The following IMPA1 variants were observed in gnomAD, a reference collection of about 807,000 sequenced individuals.
IMPA1 encodes the protein D-galactose 1-phosphate phosphatase.
In IMPA1, 21 loss-of-function variants were observed where a neutral mutation model predicts 34.9. That is an observed-to-expected ratio of 0.60 (90% CI 0.43 to 0.87). The LOEUF is 0.87. IMPA1 is among the 40% of genes least tolerant of loss of function. The probability of loss-of-function intolerance (pLI) is 0.00; values close to 1 mark genes in which losing one functional copy is unlikely to be tolerated. For missense variants in IMPA1, 299 were observed against 336.4 expected (o/e 0.89, Z 0.87); for synonymous variants, 95 against 104.4 (o/e 0.91, Z 0.55).
At chr8:81,669,283 A>C (rs1030928577) in intron 7 of IMPA1, among the ~76,000 whole-genome samples, 1 of 152,126 alleles carries the variant, frequency 6.6e-6, no homozygotes, top group African/African-American at 2.4e-5. Flanking sequence ...GGGCCTCAGA[A>C]CTGTGGAGTC....
intron 1 of IMPA1, chr8:81,685,701 A>C: frequency 1.4e-6 from 1 of 728,114 alleles, no homozygotes; most frequent in Non-Finnish European, 1.8e-6. Flanking sequence ...TAATATATGA[A>C]TAGTTATATA....
intron 7 of IMPA1, among the ~76,000 whole-genome samples, chr8:81,664,102 C>G (rs1806753335): frequency 6.6e-6 from 1 of 152,082 alleles, no homozygotes; most frequent in Admixed American, 6.5e-5. Context: ...TTAAGGACCT[C>G]AAACCTTTAG....
rs563180340 is a variant in IMPA1 at position 81,681,763 on chromosome 8, A to G, written c.-24-179T>C. 2.6e-4 allele frequency among the ~76,000 whole-genome samples: 40 copies of G among 152,348 alleles called. 1 individual carries two copies. Among genetic ancestry groups the G allele is most frequent in the African/African-American group, 9.4e-4 (39 of 41,584 alleles). ...TTCTCACCTAAATTACCTAATTTCTATATCAAATTATTTTCATAAAGACTA... is the reference window on the plus strand; with the variant it reads ...TTCTCACCTAAATTACCTAATTTCTGTATCAAATTATTTTCATAAAGACTA... On this transcript the variant is annotated intron_variant, in intron 1 of 8. Transcript: ENST00000256108.
chr8:81,670,538 G>A (rs1239955707), intron 7 of IMPA1, among the ~76,000 whole-genome samples: 2 of 152,142 alleles, frequency 1.3e-5, no homozygotes, highest in African/African-American at 4.8e-5. Context: ...AGAGAAGCCA[G>A]AAATTAATTA....
intron 4 of IMPA1, 39 bp downstream of exon 4, chr8:81,679,087 T>C (rs376338475): frequency 6.5e-5 from 84 of 1,298,052 alleles, no homozygotes; most frequent in Non-Finnish European, 9.3e-5. Context: ...ATCCAGTTAA[T>C]ATGCAAAGAG....
At chr8:81,665,753 T>G (rs187303605) in intron 7 of IMPA1, among the ~76,000 whole-genome samples, 2 of 152,298 alleles carry the variant, frequency 1.3e-5, no homozygotes, top group East Asian at 3.9e-4. Context: ...CAAGAAAAAT[T>G]AGATTTGCAT....
chr8:81,668,101 G>A (rs1806886574), intron 7 of IMPA1, among the ~76,000 whole-genome samples: 1 of 152,160 alleles, frequency 6.6e-6, no homozygotes, highest in Non-Finnish European at 1.5e-5. Context: ...GGGATTACAG[G>A]CGTGAGCCAC....
intron 6 of IMPA1, among the ~76,000 whole-genome samples, chr8:81,672,243 G>C (rs189763513): frequency 6.6e-6 from 1 of 152,324 alleles, no homozygotes; most frequent in East Asian, 1.9e-4. Context: ...AAAATGTTTG[G>C]TGTGGTTTAT....
At chr8:81,672,637 T>A (rs1807018917) in intron 6 of IMPA1, among the ~76,000 whole-genome samples, 2 of 152,344 alleles carry the variant, frequency 1.3e-5, no homozygotes, top group African/African-American at 4.8e-5. Flanking sequence ...CTCTCCAAGG[T>A]AATCTAGAAG....
intron 7 of IMPA1, among the ~76,000 whole-genome samples, chr8:81,666,268 A>T (rs561572904): frequency 6.6e-6 from 1 of 152,330 alleles, no homozygotes; most frequent in South Asian, 2.1e-4. Flanking sequence ...CTGCTGGAAT[A>T]AAATGTAATC....
intron 2 of IMPA1, 43 bp from the exon 3 acceptor site, chr8:81,680,826 T>C: frequency 7.0e-7 from 1 of 1,435,196 alleles, no homozygotes; most frequent in East Asian, 2.3e-5. Context: ...GGCATAATTT[T>C]AAACAAAAAG....
chr8:81,685,799 T>G (rs1306019872), intron 1 of IMPA1: 5 of 1,543,194 alleles, frequency 3.2e-6, no homozygotes, highest in Non-Finnish European at 4.4e-6. Flanking sequence ...CTGAACTGTT[T>G]CCTGCTGTTT....
At chr8:81,664,774 G>A (rs915229053) in intron 7 of IMPA1, among the ~76,000 whole-genome samples, 2 of 151,688 alleles carry the variant, frequency 1.3e-5, no homozygotes, top group Middle Eastern at 3.2e-3. Flanking sequence ...GCTAAATGAC[G>A]AGTTAATGCG....
chr8:81,681,360 C>A lies in IMPA1; in HGVS notation c.63+138G>T, dbSNP rs1339576456. The A allele has an allele frequency of 4.9e-6, 3 of 616,778 alleles. No individual in the cohort carries two copies. In the Admixed American group the frequency reaches 7.9e-5, roughly 16 times the overall value. The allele number at this position is 616,778 out of a possible 1,614,324, so 38.2% of individuals were successfully genotyped here. On this transcript the variant is annotated intron_variant, in intron 2 of 8. Coordinates refer to ENST00000256108, the MANE Select transcript of IMPA1 (RefSeq NM_005536.4). Reference sequence around the variant, plus strand: ...GCTGGAGTGAGCCATGTTCCTGCCACTACATTCCAGCTTGGGTGACAAGCA... The same window carrying A: ...GCTGGAGTGAGCCATGTTCCTGCCAATACATTCCAGCTTGGGTGACAAGCA...
chr8:81,671,112 G>A, intron 6 of IMPA1, 65 bp from the exon 7 acceptor site: 2 of 676,578 alleles, frequency 3.0e-6, no homozygotes, highest in Non-Finnish European at 4.8e-6. Context: ...TTGTAATTCA[G>A]AAGAGGGCAT....
intron 7 of IMPA1, among the ~76,000 whole-genome samples, chr8:81,664,000 T>C (rs1223664699): frequency 2.6e-5 from 4 of 151,928 alleles, no homozygotes; most frequent in Non-Finnish European, 5.9e-5. Flanking sequence ...GATTGCACCA[T>C]TGGACTCCAG....
intron 7 of IMPA1, among the ~76,000 whole-genome samples, chr8:81,666,987 C>T (rs893552869): frequency 1.3e-5 from 2 of 151,074 alleles, no homozygotes; most frequent in East Asian, 3.9e-4. Context: ...CAATGAACTA[C>T]GTATGTAACT....
At chr8:81,679,015 C>G in intron 4 of IMPA1, 111 bp downstream of exon 4, 1 of 646,558 alleles carries the variant, frequency 1.5e-6, no homozygotes, top group South Asian at 2.0e-5. Flanking sequence ...AATAAAGAAG[C>G]ATAAACGAAG....
chr8:81,685,802 T>C, intron 1 of IMPA1: 3 of 1,549,664 alleles, frequency 1.9e-6, no homozygotes, highest in Non-Finnish European at 2.6e-6. Flanking sequence ...AACTGTTTCC[T>C]GCTGTTTCTG....
Sources: allele counts gnomAD v4.1 joint callset (sites outside exome capture counted in the v4.1 genomes callset), GRCh38; gene constraint gnomAD v4.1.1; transcripts MANE v1.5; gene names NCBI Gene and HGNC (gene_info 2026-07-23, HGNC 2026-07-21).